The following KMT2E variants were observed in gnomAD, a reference collection of about 807,000 sequenced individuals.
KMT2E encodes histone reader KMT2E.
A neutral mutation model predicts 184.6 loss-of-function variants in KMT2E; 30 were observed. That is an observed-to-expected ratio of 0.16 (90% CI 0.12 to 0.22). The LOEUF is 0.22. KMT2E is among the 10% of genes least tolerant of loss of function. The pLI is 1.00. For synonymous variants in KMT2E, 815 were observed against 776.5 expected (o/e 1.05, Z -0.82); for missense variants, 2,023 against 2,237.4 (o/e 0.90, Z 1.93).
intron 6 of KMT2E, among the ~76,000 whole-genome samples, chr7:105,067,451 AC>A (rs1353840127): frequency 2.6e-5 from 4 of 152,064 alleles, no homozygotes; most frequent in Non-Finnish European, 4.4e-5. Context: ...TTTCAAACTT[AC>A]GTAAAAATAA....
intron 1 of KMT2E, among the ~76,000 whole-genome samples, chr7:105,020,784 T>C (rs1306620392): frequency 6.6e-6 from 1 of 152,238 alleles, no homozygotes; most frequent in East Asian, 1.9e-4. Flanking sequence ...AAATATCTTT[T>C]CCTTACCGTT....
chr7:105,016,915 C>T (rs1214625722), intron 1 of KMT2E, among the ~76,000 whole-genome samples: 2 of 152,172 alleles, frequency 1.3e-5, no homozygotes, highest in South Asian at 2.1e-4. Context: ...CAGTGAGCTT[C>T]ATCATGGAAG....
chr7:105,078,624 C>G (rs1797627456), intron 11 of KMT2E, among the ~76,000 whole-genome samples: 1 of 137,560 alleles, frequency 7.3e-6, no homozygotes, highest in African/African-American at 2.7e-5. Flanking sequence ...TCCCAGGTAG[C>G]TGGGACTACA....
intron 5 of KMT2E, chr7:105,064,164 G>GTTTTTTTTTTTTTTTTTTTTTTTTT (rs66946883): frequency 4.0e-5 from 3 of 74,152 alleles, no homozygotes; most frequent in Non-Finnish European, 7.2e-5. Flanking sequence ...TTTTTTCTTG[G>GTTTTTTTTTTTTTTTTTTTTTTTTT]TTTTTTTTTT....
At chr7:105,087,353 G>A (rs1231149608) in intron 13 of KMT2E, among the ~76,000 whole-genome samples, 2 of 145,720 alleles carry the variant, frequency 1.4e-5, no homozygotes, top group Non-Finnish European at 3.0e-5. Context: ...ATGTTGAATG[G>A]CATCTCTTTA....
chr7:105,027,064 G>A (rs1483447560), intron 1 of KMT2E, among the ~76,000 whole-genome samples: 1 of 146,824 alleles, frequency 6.8e-6, no homozygotes, highest in African/African-American at 2.5e-5. Context: ...TTGCAGAAAG[G>A]CCCCGCCCTC....
chr7:105,092,532 T>G (rs1798247773), intron 15 of KMT2E, among the ~76,000 whole-genome samples: 1 of 152,200 alleles, frequency 6.6e-6, no homozygotes. Flanking sequence ...TTTCAGAGCC[T>G]TAGGATTTTA....
In KMT2E at chr7:105,105,577, T is replaced by C. The variant is rs868080881; in HGVS notation, c.2335T>C (p.Tyr779His). ...TQLNSLPGLT[Y>H]SPHVYSTPKH... ...ACTCAATTCTTTACCAGGTCTCACTTACAGCCCCCATGTATACTCCACTCC... is the reference window on the plus strand; with the variant it reads ...ACTCAATTCTTTACCAGGTCTCACTCACAGCCCCCATGTATACTCCACTCC... The change falls in exon 18 of 27, where the codon TAC becomes CAC. Residue 779 changes from tyrosine (Y) to histidine (H), a missense_variant. Tyr to His is a moderately conservative substitution (Grantham distance 83). Coordinates refer to ENST00000311117, the MANE Select transcript of KMT2E (RefSeq NM_182931.3). The C allele has an allele frequency of 1.2e-5, 19 of 1,613,974 alleles. No homozygotes were observed. Among genetic ancestry groups the C allele is most frequent in the Middle Eastern group, 1.6e-4 (1 of 6,082 alleles).
intron 3 of KMT2E, among the ~76,000 whole-genome samples, chr7:105,060,970 A>G (rs1229493317): frequency 3.3e-5 from 5 of 152,178 alleles, no homozygotes; most frequent in Non-Finnish European, 7.3e-5. Context: ...CTAATGATGT[A>G]TTTCTCAGAA....
At chr7:105,051,385 A>G (rs1026325399) in intron 3 of KMT2E, among the ~76,000 whole-genome samples, 1 of 151,492 alleles carries the variant, frequency 6.6e-6, no homozygotes, top group Non-Finnish European at 1.5e-5. Context: ...GGGTTTCTCC[A>G]TGTTGGTCAG....
chr7:105,028,603 C>T (rs900182281), intron 1 of KMT2E, among the ~76,000 whole-genome samples: 4 of 152,086 alleles, frequency 2.6e-5, no homozygotes, highest in African/African-American at 9.7e-5. Flanking sequence ...GCAATTCTTG[C>T]ACCTCAGCTT....
chr7:105,111,731 A>G, intron 26 of KMT2E, 94 bp from the exon 27 acceptor site: 2 of 1,389,888 alleles, frequency 1.4e-6, no homozygotes, highest in South Asian at 2.9e-5. Context: ...CCCCATTAAA[A>G]TTAATATTTA....
At chr7:105,091,173 ATG>A in intron 14 of KMT2E, 41 bp from the exon 15 acceptor site, 1 of 887,366 alleles carries the variant, frequency 1.1e-6, no homozygotes. Context: ...AGTTGTATAG[ATG>A]GAATAATAGT....
intron 23 of KMT2E, among the ~76,000 whole-genome samples, chr7:105,109,946 C>T (rs532636571): frequency 1.3e-5 from 2 of 151,004 alleles, no homozygotes; most frequent in East Asian, 2.0e-4. Context: ...CAAGTTCAAG[C>T]GATTCTCCTG....
Position 105,108,934 on chromosome 7 carries a change from T to C in KMT2E, c.3469-8T>C. The C allele has an allele frequency of 6.3e-7, 1 of 1,585,162 alleles. No individual in the cohort carries two copies. Among genetic ancestry groups the C allele is most frequent in the Non-Finnish European group, 8.6e-7 (1 of 1,160,472 alleles). The stretch of plus-strand genomic sequence containing the variant: ...AAGATTTGCTTTTTCTCATCTTTCT[T>C]GCTTAAGGTTTCTCTATTAGAATAC... On this transcript the variant is annotated splice_region_variant and splice_polypyrimidine_tract_variant and intron_variant, in intron 22 of 26. Coordinates refer to ENST00000311117, the MANE Select transcript of KMT2E (RefSeq NM_182931.3).
At chr7:105,015,212 C>T (rs538369888) in intron 1 of KMT2E, among the ~76,000 whole-genome samples, 1 of 152,270 alleles carries the variant, frequency 6.6e-6, no homozygotes, top group Non-Finnish European at 1.5e-5. Context: ...TTAGGATCTA[C>T]AATATGGCTC....
chr7:105,083,095 C>T (rs1797822292), intron 13 of KMT2E, among the ~76,000 whole-genome samples: 1 of 152,164 alleles, frequency 6.6e-6, no homozygotes, highest in South Asian at 2.1e-4. Flanking sequence ...CTGATTGGCT[C>T]TGATGTAAAT....
At position 105,064,447 on chromosome 7, in the gene KMT2E, G is replaced by T. The variant is rs184287251; in HGVS notation, c.416+867G>T. ...GTATAAAAATGGACCCTAAAGCCAA[G>T]TATTACTTTGAATTACTTGTAATAT... On this transcript the variant is annotated intron_variant, in intron 5 of 26. Coordinates refer to ENST00000311117, the MANE Select transcript of KMT2E (RefSeq NM_182931.3). Among the ~76,000 whole-genome samples the T allele has an allele frequency of 1.3e-4, 20 of 152,042 alleles. No homozygotes were observed. In the East Asian group the frequency reaches 2.7e-3, roughly 21 times the overall value.
At chr7:105,063,810 G>A (rs1364110274) in intron 5 of KMT2E, 2 of 514,728 alleles carry the variant, frequency 3.9e-6, no homozygotes, top group African/African-American at 2.0e-5. Context: ...TTTTTTTCAT[G>A]TAGGATCACA....
Sources: gnomAD v4.1 joint callset for allele counts (sites outside exome capture counted in the v4.1 genomes callset) on GRCh38, gnomAD v4.1.1 for gene constraint, MANE v1.5 for transcripts, NCBI Gene and HGNC (gene_info 2026-07-23, HGNC 2026-07-21) for gene names.